The following NFS1 variants were observed in gnomAD, a reference collection of about 807,000 sequenced individuals.
The protein encoded by NFS1 is NFS1 cysteine desulfurase.
A neutral mutation model predicts 57.3 loss-of-function variants in NFS1; 26 were observed. The observed-to-expected ratio is 0.45, with a 90% CI of 0.33 to 0.63. The LOEUF is 0.63. Ranked by LOEUF, NFS1 falls within the 20% of genes least tolerant of loss-of-function variation. The pLI is 0.02. For synonymous variants in NFS1, 209 were observed against 216.3 expected (o/e 0.97, Z 0.30); for missense variants, 505 against 605.8 (o/e 0.83, Z 1.75).
chr20:35,691,937 C>T (rs985677171), intron 4 of NFS1, among the ~76,000 whole-genome samples: 1 of 151,746 alleles, frequency 6.6e-6, no homozygotes, highest in African/African-American at 2.4e-5. Flanking sequence ...AATTCCAACA[C>T]TTTGGGAGGC....
intron 7 of NFS1, 190 bp from the exon 8 acceptor site, chr20:35,675,392 G>T: frequency 1.5e-6 from 1 of 646,602 alleles, no homozygotes. Context: ...TTAACATCTG[G>T]AAGATAAATG....
rs753264672 is a variant in NFS1, at chr20:35,680,844, T to G, written c.683A>C (p.Tyr228Ser). Residue 228 changes from tyrosine (Y) to serine (S), a missense_variant, in exon 7 of 13, where the codon TAT becomes TCT. Coordinates refer to ENST00000374092, the MANE Select transcript of NFS1 (RefSeq NM_021100.5). ...IGRICSSRKV[Y>S]FHTDAAQAVG... ...AGCCTGGGCTGCATCAGTATGGAAA[T>G]ATACCTTTCTGGAACTGCAAATCCG... 6.4e-7 allele frequency: 1 copy of G among 1,553,292 alleles called. No individual in the cohort carries two copies. Among genetic ancestry groups the G allele is most frequent in the Non-Finnish European group, 8.7e-7 (1 of 1,151,696 alleles).
At chr20:35,681,805 CAT>C (rs2034853535) in intron 6 of NFS1, 81 bp downstream of exon 6, 4 of 753,582 alleles carry the variant, frequency 5.3e-6, no homozygotes, top group South Asian at 3.1e-5. Flanking sequence ...AACTACACTC[CAT>C]AGAGTATTAC....
At chr20:35,674,139 A>G (rs2146412717) in intron 10 of NFS1, 2 of 564,220 alleles carry the variant, frequency 3.5e-6, no homozygotes, top group Non-Finnish European at 6.4e-6. Flanking sequence ...AAAAGGCACA[A>G]AATTCTACCC....
intron 12 of NFS1, among the ~76,000 whole-genome samples, chr20:35,670,511 T>C (rs2034636011): frequency 6.6e-6 from 1 of 152,250 alleles, no homozygotes; most frequent in African/African-American, 2.4e-5. Flanking sequence ...CTCTTCTATA[T>C]ACTAAACATT....
chr20:35,690,590 AAGG>A lies in NFS1; in HGVS notation c.409-28_409-26del, dbSNP rs1427620378. The A allele has an allele frequency of 3.7e-6, 6 of 1,612,926 alleles. No individual in the cohort carries two copies. In the African/African-American group the frequency reaches 8.0e-5, roughly 22 times the overall value. On this transcript the variant is annotated intron_variant, in intron 4 of 12. Coordinates refer to ENST00000374092, the MANE Select transcript of NFS1 (RefSeq NM_021100.5). ...CCTAGAAATTGGTGGTGACAGATGG[AAGG>A]AGAACATACTCAGAGAGACAGCAAT...
At position 35,669,327 on chromosome 20, in the gene NFS1, C is replaced by A. The variant is rs2034614042; in HGVS notation, c.*295G>T. On this transcript the variant is annotated 3_prime_UTR_variant, in exon 13 of 13. Coordinates refer to ENST00000374092, the MANE Select transcript of NFS1 (RefSeq NM_021100.5). ...CTTCTGGTTCCTCTTGCTCTCCTCA[C>A]CAAGAGCACAGATGTGCCCAGCAGC... 2 of 283,144 alleles carry A rather than the reference C, an allele frequency of 7.1e-6. No homozygotes were observed. Among genetic ancestry groups the A allele is most frequent in the Non-Finnish European group, 1.3e-5 (2 of 149,170 alleles). The allele number at this position is 283,144 out of a possible 1,614,324, so 17.5% of individuals were successfully genotyped here. A position where few individuals can be genotyped will look rare whatever the true frequency, so the allele number is the denominator to read the frequency against.
chr20:35,698,817 A>G, intron 1 of NFS1: 1 of 1,378,970 alleles, frequency 7.3e-7, no homozygotes, highest in African/African-American at 1.5e-5. Flanking sequence ...TGATATTCAA[A>G]TGGTATCGTA....
At chr20:35,683,647 G>A (rs2034887891) in intron 5 of NFS1, among the ~76,000 whole-genome samples, 1 of 150,216 alleles carries the variant, frequency 6.7e-6, no homozygotes, top group Non-Finnish European at 1.5e-5. Context: ...AGGCATGGTG[G>A]CACGCGCCCT....
At chr20:35,671,345 C>T (rs1467825399) in intron 12 of NFS1, among the ~76,000 whole-genome samples, 1 of 152,206 alleles carries the variant, frequency 6.6e-6, no homozygotes, top group African/African-American at 2.4e-5. Context: ...TCATGATCCG[C>T]TCACCTCGGC....
At chr20:35,697,822 A>C in intron 2 of NFS1, 22 bp from the exon 3 acceptor site, 52 of 1,535,598 alleles carry the variant, frequency 3.4e-5, no homozygotes, top group African/African-American at 4.1e-5. Context: ...AGAACAGATC[A>C]TTTTCCTTGA....
At chr20:35,683,978 C>A (rs1214201501) in intron 5 of NFS1, among the ~76,000 whole-genome samples, 1 of 150,284 alleles carries the variant, frequency 6.7e-6, no homozygotes, top group East Asian at 2.0e-4. Context: ...CTGGGCATGG[C>A]GGCAGGTGCC....
At chr20:35,680,185 G>C (rs963018059) in intron 7 of NFS1, among the ~76,000 whole-genome samples, 2 of 152,216 alleles carry the variant, frequency 1.3e-5, no homozygotes, top group South Asian at 2.1e-4. Flanking sequence ...GGCGCCTGTA[G>C]TCCCAGCTAC....
At chr20:35,689,768 T>TA (rs765257027) in intron 5 of NFS1, among the ~76,000 whole-genome samples, 156 of 108,452 alleles carry the variant, frequency 1.4e-3, no homozygotes, top group Admixed American at 2.7e-3. Flanking sequence ...GACTCTGTTT[T>TA]AAAAAAAAAA....
chr20:35,681,469 A>G (rs2425070), intron 6 of NFS1, among the ~76,000 whole-genome samples: 146,761 of 152,282 alleles, frequency 0.96, 70,786 homozygotes, highest in Middle Eastern at 1. Flanking sequence ...AGGCCAAGGC[A>G]GACGGATCAC....
chr20:35,672,911 A>T, intron 11 of NFS1, 67 bp from the exon 12 acceptor site: 2 of 871,974 alleles, frequency 2.3e-6, no homozygotes, highest in Non-Finnish European at 3.7e-6. Flanking sequence ...TCATTCCGCA[A>T]ATACTCACTA....
intron 4 of NFS1, among the ~76,000 whole-genome samples, chr20:35,693,521 T>A (rs531634621): frequency 1.7e-4 from 26 of 152,224 alleles, no homozygotes; most frequent in African/African-American, 6.3e-4. Context: ...TATAAAAGAC[T>A]ATTACCTTTA....
intron 5 of NFS1, among the ~76,000 whole-genome samples, chr20:35,688,303 C>T (rs532620492): frequency 2.0e-5 from 3 of 150,588 alleles, no homozygotes; most frequent in South Asian, 4.2e-4. Context: ...GCCTATAATC[C>T]CAGCACTTTG....
rs931002900 is a variant in NFS1 at position 35,668,484 on chromosome 20, C to A, written c.*1138G>T. 5 of 152,222 alleles carry A rather than the reference C, an allele frequency of 3.3e-5. No homozygotes were observed. The highest frequency in any genetic ancestry group is 1.2e-4 in the African/African-American group (5 of 41,458). The allele number at this position is 152,222 out of a possible 1,614,324, so 9.4% of individuals were successfully genotyped here. A position where few individuals can be genotyped will look rare whatever the true frequency, so the allele number is the denominator to read the frequency against. The stretch of plus-strand genomic sequence containing the variant: ...AAAGCTCTAGTTACAATGGCCTTCT[C>A]TTGGTTTCTAAAGTATAATACTTTG... On this transcript the variant is annotated 3_prime_UTR_variant, in exon 13 of 13. Transcript: ENST00000374092.
Sources: gnomAD v4.1 joint callset for allele counts (sites outside exome capture counted in the v4.1 genomes callset) on GRCh38, gnomAD v4.1.1 for gene constraint, MANE v1.5 for transcripts, NCBI Gene and HGNC (gene_info 2026-07-23, HGNC 2026-07-21) for gene names.